Variants in TP63 observed in about 807,000 individuals in gnomAD.
The protein encoded by TP63 is tumor protein 63.
Under a neutral mutation model 82.8 loss-of-function variants are expected in TP63, and 17 were observed. That is an observed-to-expected ratio of 0.21 (90% confidence interval 0.14 to 0.31). The LOEUF is 0.31. Ranked by LOEUF, TP63 falls within the 10% of genes least tolerant of loss-of-function variation. The probability of loss-of-function intolerance (pLI) is 1.00; values close to 1 mark genes in which losing one functional copy is unlikely to be tolerated. For synonymous variants in TP63, 330 were observed against 321.7 expected (o/e 1.03, Z -0.28); for missense variants, 648 against 895.3 (o/e 0.72, Z 3.52).
chr3:189,811,512 C>A (rs1291299359), intron 4 of TP63, among the ~76,000 whole-genome samples: 1 of 152,180 alleles, frequency 6.6e-6, no homozygotes, highest in Non-Finnish European at 1.5e-5. Flanking sequence ...GGCACTTGAA[C>A]CCTTATCTGA....
chr3:189,682,548 AAAAAAATATATATATATATATATATAT>A (rs1334834834), intron 1 of TP63, among the ~76,000 whole-genome samples: 1,805 of 48,924 alleles, frequency 0.037, 75 homozygotes, highest in African/African-American at 0.11. Context: ...AAAAAAAAAA[AAAAAAATATATATATATATATATATAT>A]ATATATATAT....
At chr3:189,613,177 C>A in the TP63 span, among the ~76,000 whole-genome samples, 1 of 152,222 alleles carries the variant, frequency 6.6e-6, no homozygotes, top group Non-Finnish European at 1.5e-5. Flanking sequence ...GCAGCTCCCC[C>A]AATCACAGGC....
chr3:189,760,627 G>T (rs988970360), intron 3 of TP63, among the ~76,000 whole-genome samples: 2 of 152,144 alleles, frequency 1.3e-5, no homozygotes, highest in Admixed American at 1.3e-4. Flanking sequence ...GTTTTTCCAG[G>T]CACACAGTGC....
intron 4 of TP63, among the ~76,000 whole-genome samples, chr3:189,832,427 A>T (rs1712504683): frequency 6.6e-6 from 1 of 152,168 alleles, no homozygotes; most frequent in African/African-American, 2.4e-5. Flanking sequence ...AGTACAACTC[A>T]AGTACAATAG....
At chr3:189,818,080 G>C (rs1728390430) in intron 4 of TP63, among the ~76,000 whole-genome samples, 1 of 151,620 alleles carries the variant, frequency 6.6e-6, no homozygotes, top group African/African-American at 2.4e-5. Context: ...CTATCTTTCT[G>C]CCTTACTTTT....
intron 3 of TP63, among the ~76,000 whole-genome samples, chr3:189,739,395 T>C (rs929733987): frequency 6.6e-6 from 1 of 152,150 alleles, no homozygotes; most frequent in African/African-American, 2.4e-5. Context: ...GGATTACAGG[T>C]GTGAGCCACT....
rs748274146 is a variant in TP63 at position 189,873,734 on chromosome 3, T to C, written c.1349+739T>C. Among the ~76,000 whole-genome samples the C allele has an allele frequency of 7.2e-5, 11 of 152,210 alleles. No individual in the cohort carries two copies. In the East Asian group the frequency reaches 7.7e-4, roughly 11 times the overall value. ...ATGACTGACTAGAATAGAATAGCTC[T>C]TATGAAAGGATGAGAGGTTGACCAA... On this transcript the variant is annotated intron_variant, in intron 10 of 13. Transcript: ENST00000264731.
At chr3:189,826,285 A>T (rs1224730829) in intron 4 of TP63, among the ~76,000 whole-genome samples, 1 of 152,210 alleles carries the variant, frequency 6.6e-6, no homozygotes, top group Non-Finnish European at 1.5e-5. Context: ...AGGTAGGTTG[A>T]TTATATTTGA....
chr3:189,759,947 G>A (rs140498021), intron 3 of TP63, among the ~76,000 whole-genome samples: 68 of 152,316 alleles, frequency 4.5e-4, no homozygotes, highest in African/African-American at 1.6e-3. Context: ...GATGGCAGCA[G>A]GCAAAGAGAG....
intron 10 of TP63, chr3:189,880,092 C>T: frequency 6.2e-6 from 10 of 1,613,872 alleles, no homozygotes; most frequent in Non-Finnish European, 8.5e-6. Flanking sequence ...CAGGAATGAG[C>T]TTGTGGAGCC....
At chr3:189,796,616 T>C (rs939088415) in intron 3 of TP63, among the ~76,000 whole-genome samples, 1 of 152,038 alleles carries the variant, frequency 6.6e-6, no homozygotes, top group Non-Finnish European at 1.5e-5. Flanking sequence ...CATATGATTG[T>C]CCTACAGACA....
intron 4 of TP63, among the ~76,000 whole-genome samples, chr3:189,854,261 G>A (rs543210344): frequency 3.3e-5 from 5 of 152,186 alleles, no homozygotes; most frequent in South Asian, 2.1e-4. Context: ...ATGGACTTTT[G>A]CTTTTGTTGT....
chr3:189,865,006 C>CA (rs1560275425), intron 5 of TP63, among the ~76,000 whole-genome samples: 1 of 144,718 alleles, frequency 6.9e-6, no homozygotes, highest in East Asian at 2.0e-4. Context: ...GACTCCATCT[C>CA]AAAAATAAAA....
At chr3:189,847,880 T>A (rs1287392886) in intron 4 of TP63, among the ~76,000 whole-genome samples, 3 of 152,200 alleles carry the variant, frequency 2.0e-5, no homozygotes, top group Non-Finnish European at 4.4e-5. Flanking sequence ...AATTTGGTGA[T>A]CATATTTTTA....
chr3:189,678,052 T>A (rs535246415), intron 1 of TP63, among the ~76,000 whole-genome samples: 11 of 152,244 alleles, frequency 7.2e-5, no homozygotes, highest in African/African-American at 2.4e-4. Flanking sequence ...GCAGATTGTC[T>A]GTTCACTCTA....
intron 13 of TP63, among the ~76,000 whole-genome samples, chr3:189,893,491 A>G (rs1721226025): frequency 6.6e-6 from 1 of 152,222 alleles, no homozygotes. Flanking sequence ...ACAGTCAGTT[A>G]AGGTTGACCC....
rs769979221 is a variant in TP63, at chr3:189,789,861, A to G, written c.325-18411A>G. 2.0e-5 allele frequency: 32 copies of G among 1,574,664 alleles called. No individual in the cohort carries two copies. The highest frequency in any genetic ancestry group is 2.8e-5 in the Non-Finnish European group (32 of 1,162,422). On this transcript the variant is annotated intron_variant, in intron 3 of 13. Transcript: ENST00000264731. ...TAGTGAGGTAAGGATTTTAGATTTT[A>G]GCACTCCATTTAGAGATGCTTTTTA...
At chr3:189,667,912 A>G (rs9817932) in intron 1 of TP63, among the ~76,000 whole-genome samples, 66,627 of 151,540 alleles carry the variant, frequency 0.44, 15,999 homozygotes, top group Middle Eastern at 0.69. Context: ...AGGTGTGGCC[A>G]TGTTCCACTA....
chr3:189,600,109 A>G, the TP63 span, among the ~76,000 whole-genome samples: 1 of 152,296 alleles, frequency 6.6e-6, no homozygotes, highest in Non-Finnish European at 1.5e-5. Context: ...TAAACCAATA[A>G]TTTACTTTTA....
Sources: allele counts gnomAD v4.1 joint callset (sites outside exome capture counted in the v4.1 genomes callset), GRCh38; gene constraint gnomAD v4.1.1; transcripts MANE v1.5; gene names NCBI Gene and HGNC (gene_info 2026-07-23, HGNC 2026-07-21).